KREMEN1: variants seen among roughly 807,000 people sequenced by gnomAD.
KREMEN1 encodes the protein kremen protein 1.
A neutral mutation model predicts 46.5 loss-of-function variants in KREMEN1; 30 were observed. The ratio of observed to expected loss-of-function variants is 0.65; its 90% CI spans 0.48 to 0.88. The LOEUF (loss-of-function observed/expected upper bound fraction) is 0.88, where lower values mean the gene tolerates loss of function less well. Among genes scored for constraint, KREMEN1 ranks in the 40% least tolerant of loss-of-function variants. KREMEN1 has a pLI of 0.00. For missense variants in KREMEN1, 533 were observed against 596.9 expected (o/e 0.89, Z 1.11); for synonymous variants, 214 against 230.6 (o/e 0.93, Z 0.65).
intron 9 of KREMEN1, among the ~76,000 whole-genome samples, chr22:29,163,981 T>C (rs1177206494): frequency 1.3e-5 from 2 of 151,572 alleles, no homozygotes. Context: ...GCAGGGCCCA[T>C]TCACAGATTG....
intron 7 of KREMEN1, 52 bp from the exon 8 acceptor site, chr22:29,140,230 T>C: frequency 1.6e-5 from 24 of 1,491,824 alleles, no homozygotes; most frequent in Non-Finnish European, 2.2e-5. Flanking sequence ...CGACCTCCTT[T>C]CGAAAACCAA....
chr22:29,106,552 G>A (rs1200617964), intron 3 of KREMEN1, among the ~76,000 whole-genome samples: 2 of 151,950 alleles, frequency 1.3e-5, no homozygotes, highest in Non-Finnish European at 2.9e-5. Flanking sequence ...CTACTCTCCC[G>A]CCTCCATTTC....
intron 9 of KREMEN1, among the ~76,000 whole-genome samples, chr22:29,152,601 C>T (rs887740854): frequency 4.6e-5 from 7 of 152,202 alleles, no homozygotes; most frequent in Non-Finnish European, 8.8e-5. Flanking sequence ...ATCTGCTCAA[C>T]TTTCTCCAGC....
intron 5 of KREMEN1, among the ~76,000 whole-genome samples, chr22:29,126,773 C>G (rs749337029): frequency 6.6e-6 from 1 of 152,130 alleles, no homozygotes; most frequent in Non-Finnish European, 1.5e-5. Context: ...GGTGGGAAGA[C>G]AGGATTAGTG....
intron 1 of KREMEN1, among the ~76,000 whole-genome samples, chr22:29,074,044 C>A (rs1039050703): frequency 6.6e-6 from 1 of 152,244 alleles, no homozygotes; most frequent in East Asian, 1.9e-4. Flanking sequence ...GGCGCCTCCC[C>A]GCGCAGAGCA....
At chr22:29,095,193 G>C (rs2037866454) in intron 2 of KREMEN1, among the ~76,000 whole-genome samples, 1 of 152,168 alleles carries the variant, frequency 6.6e-6, no homozygotes, top group South Asian at 2.1e-4. Flanking sequence ...CTTGCTCTGG[G>C]AACAGCTGTA....
chr22:29,106,296 C>T (rs1240221841), intron 3 of KREMEN1, among the ~76,000 whole-genome samples: 8 of 151,514 alleles, frequency 5.3e-5, no homozygotes, highest in Admixed American at 5.3e-4. Flanking sequence ...TCTTGGCTGA[C>T]TGCAAGCTCC....
intron 5 of KREMEN1, among the ~76,000 whole-genome samples, chr22:29,131,654 G>GTA (rs1393477057): frequency 6.4e-5 from 6 of 94,098 alleles, no homozygotes; most frequent in Admixed American, 1.1e-4. Context: ...GTATATATAT[G>GTA]TATATATATA....
chr22:29,133,717 G>C lies in KREMEN1; in HGVS notation c.632-3625G>C, dbSNP rs144132602. 8.9e-3 allele frequency among the ~76,000 whole-genome samples: 1,359 copies of C among 151,956 alleles called. 14 individuals carry two copies. The highest frequency in any genetic ancestry group is 0.031 in the African/African-American group (1,296 of 41,422). ...ATTTTTTTGTTTGCTTGGGTTTGCT[G>C]AAATTCTTGGATCTGTAGTTTGTCA... On this transcript the variant is annotated intron_variant, in intron 5 of 8. Coordinates refer to ENST00000400335, the MANE Select transcript of KREMEN1 (RefSeq NM_001039570.3).
At chr22:29,107,517 G>C (rs989369285) in intron 3 of KREMEN1, among the ~76,000 whole-genome samples, 1 of 152,036 alleles carries the variant, frequency 6.6e-6, no homozygotes, top group African/African-American at 2.4e-5. Context: ...ACCACACTTG[G>C]CTGTGTACCA....
intron 3 of KREMEN1, among the ~76,000 whole-genome samples, chr22:29,117,479 A>G (rs2038260747): frequency 6.6e-6 from 1 of 151,956 alleles, no homozygotes; most frequent in Non-Finnish European, 1.5e-5. Context: ...AGGCAGGAGA[A>G]TGGCGTGAAC....
intron 3 of KREMEN1, among the ~76,000 whole-genome samples, chr22:29,116,747 A>G (rs140515594): frequency 2.1e-3 from 318 of 152,320 alleles, no homozygotes; most frequent in East Asian, 5.8e-3. Context: ...ATTAACAACC[A>G]TTAAATGCCT....
rs1472502421 is a variant in KREMEN1 at position 29,073,254 on chromosome 22, C to A, written c.97+27C>A. The stretch of plus-strand genomic sequence containing the variant: ...TGAGTGTGAGCGACCCCCCGCCGCC[C>A]GCCCTGAGCGGAGCCCACTCGAGGG... On this transcript the variant is annotated intron_variant, in intron 1 of 8. Transcript: ENST00000400335. The surrounding 1 kb of genome is among the most constrained non-coding windows in gnomAD (Gnocchi z 4.4). 3.8e-6 allele frequency: 4 copies of A among 1,054,838 alleles called. No homozygotes were observed. Among genetic ancestry groups the A allele is most frequent in the Non-Finnish European group, 4.8e-6 (4 of 841,390 alleles). 65.3% of individuals were successfully genotyped at this position (1,054,838 alleles called of 1,614,324 possible). A position where few individuals can be genotyped will look rare whatever the true frequency, so the allele number is the denominator to read the frequency against.
chr22:29,142,864 A>G lies in KREMEN1; in HGVS notation c.*752A>G. 1.0e-6 allele frequency: 1 copy of G among 985,460 alleles called. No homozygotes were observed. Among genetic ancestry groups the G allele is most frequent in the East Asian group, 1.1e-4 (1 of 8,820 alleles). The allele number at this position is 985,460 out of a possible 1,614,324, so 61.0% of individuals were successfully genotyped here. A position where few individuals can be genotyped will look rare whatever the true frequency, so the allele number is the denominator to read the frequency against. On this transcript the variant is annotated 3_prime_UTR_variant, in exon 9 of 9. Coordinates refer to ENST00000400335, the MANE Select transcript of KREMEN1 (RefSeq NM_001039570.3). ...AGAGCTTTGGTCATATAAAACATCC[A>G]TTCAGCTGGGCGCGATGGCTCATGC...
At chr22:29,122,683 TA>T (rs2038373680) in intron 4 of KREMEN1, among the ~76,000 whole-genome samples, 1 of 152,130 alleles carries the variant, frequency 6.6e-6, no homozygotes, top group South Asian at 2.1e-4. Flanking sequence ...CTCATGCCTA[TA>T]ATCCCAGCAC....
chr22:29,139,353 G>A (rs952798608), intron 7 of KREMEN1, among the ~76,000 whole-genome samples: 4 of 152,222 alleles, frequency 2.6e-5, no homozygotes, highest in Admixed American at 2.0e-4. Context: ...TGTAACCCCA[G>A]CACTTTGGGA....
At chr22:29,077,518 AT>A (rs1488685485) in intron 1 of KREMEN1, among the ~76,000 whole-genome samples, 1 of 152,120 alleles carries the variant, frequency 6.6e-6, no homozygotes, top group Non-Finnish European at 1.5e-5. Context: ...CCTGGCTAGT[AT>A]TTTATTTTTA....
Position 29,131,728 on chromosome 22 carries a change from GTATATA to G in KREMEN1, c.632-5612_632-5607del, listed in dbSNP as rs1250560816. ...TATATATGTATATATGTATATATATGTATATATGTGTATATATATGTATATATGTAT... is the reference window on the plus strand; with the variant it reads ...TATATATGTATATATGTATATATATGTGTGTATATATATGTATATATGTAT... On this transcript the variant is annotated intron_variant, in intron 5 of 8. Coordinates refer to ENST00000400335, the MANE Select transcript of KREMEN1 (RefSeq NM_001039570.3). Among the ~76,000 whole-genome samples the G allele has an allele frequency of 7.2e-4, 96 of 133,762 alleles. 1 individual carries two copies. The highest frequency in any genetic ancestry group is 4.0e-3 in the South Asian group (17 of 4,294). 87.8% of individuals were successfully genotyped at this position (133,762 alleles called of 152,430 possible).
intron 3 of KREMEN1, among the ~76,000 whole-genome samples, chr22:29,119,865 G>A (rs894602437): frequency 4.6e-5 from 7 of 152,190 alleles, no homozygotes; most frequent in African/African-American, 1.4e-4. Context: ...ACCTTAGATG[G>A]CATAGGAGAT....
Sources: allele counts gnomAD v4.1 joint callset (sites outside exome capture counted in the v4.1 genomes callset), GRCh38; gene constraint gnomAD v4.1.1; non-coding constraint Gnocchi (gnomAD v3.1); transcripts MANE v1.5; gene names NCBI Gene and HGNC (gene_info 2026-07-23, HGNC 2026-07-21).